NFIA: variants seen among roughly 807,000 people sequenced by gnomAD.
NFIA encodes nuclear factor I A, also known as nuclear factor 1 A-type.
Under a neutral mutation model 62.8 loss-of-function variants are expected in NFIA, and 8 were observed. The observed-to-expected ratio is 0.13, with a 90% CI of 0.07 to 0.23. The LOEUF is 0.23. NFIA is among the 10% of genes least tolerant of loss of function. NFIA has a pLI of 1.00. For missense variants in NFIA, 410 were observed against 642.1 expected (o/e 0.64, Z 3.91); for synonymous variants, 235 against 238.1 (o/e 0.99, Z 0.12).
intron 2 of NFIA, among the ~76,000 whole-genome samples, chr1:61,119,727 A>G (rs1646856770): frequency 1.3e-5 from 2 of 152,352 alleles, no homozygotes; most frequent in South Asian, 4.1e-4. Flanking sequence ...ATGTGTGTTC[A>G]TTATAGTGTT....
intron 2 of NFIA, among the ~76,000 whole-genome samples, chr1:61,205,614 C>T (rs1652841294): frequency 6.6e-6 from 1 of 152,144 alleles, no homozygotes; most frequent in Non-Finnish European, 1.5e-5. Context: ...ATAACTTCCA[C>T]ATCCTTAGTG....
chr1:61,213,179 A>G (rs1421988587), intron 2 of NFIA, among the ~76,000 whole-genome samples: 4 of 152,258 alleles, frequency 2.6e-5, no homozygotes, highest in African/African-American at 9.6e-5. Context: ...TTTGATGTAC[A>G]GGATATGAAA....
chr1:61,334,579 A>G (rs1304758023), intron 4 of NFIA, among the ~76,000 whole-genome samples: 32,507 of 74,194 alleles, frequency 0.44, 7,739 homozygotes, highest in East Asian at 0.54. Flanking sequence ...ATATATATAT[A>G]TATATATATA....
At chr1:61,350,993 C>G (rs1662521938) in intron 4 of NFIA, among the ~76,000 whole-genome samples, 1 of 152,120 alleles carries the variant, frequency 6.6e-6, no homozygotes, top group Non-Finnish European at 1.5e-5. Flanking sequence ...TTCAGCTTTA[C>G]GATGGTGGGA....
At chr1:61,289,100 A>G (rs1658698036) in intron 3 of NFIA, among the ~76,000 whole-genome samples, 5 of 152,162 alleles carry the variant, frequency 3.3e-5, no homozygotes, top group Non-Finnish European at 7.3e-5. Flanking sequence ...GACCATGCCA[A>G]TGGAGAGTCC....
At chr1:61,255,403 G>A (rs1656318101) in intron 2 of NFIA, among the ~76,000 whole-genome samples, 3 of 152,212 alleles carry the variant, frequency 2.0e-5, no homozygotes, top group African/African-American at 7.2e-5. Context: ...AAATTATCAA[G>A]TACAGATATC....
At chr1:61,181,648 C>T (rs1461274954) in intron 2 of NFIA, among the ~76,000 whole-genome samples, 3 of 152,092 alleles carry the variant, frequency 2.0e-5, no homozygotes, top group Admixed American at 6.5e-5. Context: ...TGGTTTTCTA[C>T]ATGGCTGTGA....
chr1:61,456,109 G>A lies in NFIA; in HGVS notation c.*789G>A, dbSNP rs1199641735. 6.6e-6 allele frequency: 1 copy of A among 152,590 alleles called. No homozygotes were observed. Among genetic ancestry groups the A allele is most frequent in the African/African-American group, 2.4e-5 (1 of 41,448 alleles). The allele number at this position is 152,590 out of a possible 1,614,324, so 9.5% of individuals were successfully genotyped here. On this transcript the variant is annotated 3_prime_UTR_variant, in exon 11 of 11. Transcript: ENST00000403491. ...ACACAAAAATTCACATGGAAATGGG[G>A]AAGATGGTCTGTTTTGACAGAAACT...
chr1:61,381,849 C>A (rs753293247), intron 6 of NFIA, among the ~76,000 whole-genome samples: 8 of 152,146 alleles, frequency 5.3e-5, no homozygotes, highest in Non-Finnish European at 8.8e-5. Flanking sequence ...TTAAGGAAAT[C>A]TGTGATCAGA....
At chr1:61,353,781 G>A (rs973252591) in intron 5 of NFIA, among the ~76,000 whole-genome samples, 1 of 152,146 alleles carries the variant, frequency 6.6e-6, no homozygotes, top group Non-Finnish European at 1.5e-5. Context: ...CATCTTTCAT[G>A]TTGTTTAAAT....
intron 2 of NFIA, among the ~76,000 whole-genome samples, chr1:61,121,993 C>T (rs1328479638): frequency 6.6e-6 from 1 of 152,140 alleles, no homozygotes; most frequent in East Asian, 1.9e-4. Flanking sequence ...TAAAAAGACA[C>T]TCAAAGCATC....
At chr1:61,129,489 G>A (rs1335909525) in intron 2 of NFIA, among the ~76,000 whole-genome samples, 8 of 140,506 alleles carry the variant, frequency 5.7e-5, no homozygotes, top group African/African-American at 1.3e-4. Context: ...TCACTCTGTC[G>A]CCCTGGCTGG....
At chr1:61,139,810 G>A (rs1027147422) in intron 2 of NFIA, among the ~76,000 whole-genome samples, 3 of 147,876 alleles carry the variant, frequency 2.0e-5, no homozygotes, top group East Asian at 4.0e-4. Context: ...TAAGCATCAG[G>A]CTAAGCATAT....
chr1:61,446,856 G>A (rs1000870774), intron 10 of NFIA, among the ~76,000 whole-genome samples: 5 of 152,192 alleles, frequency 3.3e-5, no homozygotes, highest in South Asian at 2.1e-4. Context: ...GAGCAAGAGC[G>A]AGGAGGCACG....
At chr1:61,290,526 G>T (rs1191534876) in intron 3 of NFIA, among the ~76,000 whole-genome samples, 1 of 152,142 alleles carries the variant, frequency 6.6e-6, no homozygotes, top group African/African-American at 2.4e-5. Context: ...TCCATAGAGA[G>T]GTTTATCTTC....
At chr1:61,285,458 A>C (rs2100294814) in intron 3 of NFIA, among the ~76,000 whole-genome samples, 1 of 152,318 alleles carries the variant, frequency 6.6e-6, no homozygotes, top group Non-Finnish European at 1.5e-5. Flanking sequence ...TAATATACAT[A>C]ATGTATTTGG....
intron 3 of NFIA, among the ~76,000 whole-genome samples, chr1:61,304,180 G>A (rs1659635319): frequency 6.6e-6 from 1 of 152,098 alleles, no homozygotes; most frequent in South Asian, 2.1e-4. Context: ...GGAGGCTGAG[G>A]TGAGAGAATT....
intron 2 of NFIA, among the ~76,000 whole-genome samples, chr1:61,095,052 C>T (rs1238196955): frequency 6.6e-6 from 1 of 152,032 alleles, no homozygotes; most frequent in Non-Finnish European, 1.5e-5. Context: ...TGTTGCTAAC[C>T]CTAAAACAAG....
At chr1:61,178,707 C>G (rs1650558303) in intron 2 of NFIA, among the ~76,000 whole-genome samples, 1 of 152,206 alleles carries the variant, frequency 6.6e-6, no homozygotes, top group South Asian at 2.1e-4. Flanking sequence ...ATAGCATGAG[C>G]TTACAGTTTG....
Sources: allele counts gnomAD v4.1 joint callset (sites outside exome capture counted in the v4.1 genomes callset), GRCh38; gene constraint gnomAD v4.1.1; transcripts MANE v1.5; gene names NCBI Gene and HGNC (gene_info 2026-07-23, HGNC 2026-07-21).